UBE2H: variants seen among roughly 807,000 people sequenced by gnomAD.
UBE2H encodes ubiquitin conjugating enzyme E2 H.
UBE2H carries 3 observed loss-of-function variants against 29.0 expected under a neutral mutation model. That is an observed-to-expected ratio of 0.10 (90% CI 0.05 to 0.27). The LOEUF is 0.27. Among genes scored for constraint, UBE2H ranks in the 10% least tolerant of loss-of-function variants. The pLI is 1.00. For synonymous variants in UBE2H, 69 were observed against 82.9 expected (o/e 0.83, Z 0.91); for missense variants, 68 against 228.2 (o/e 0.30, Z 4.52).
chr7:129,879,818 T>C (rs554090323), intron 2 of UBE2H, among the ~76,000 whole-genome samples, 176 bp from the exon 3 acceptor site: 1 of 152,360 alleles, frequency 6.6e-6, no homozygotes, highest in East Asian at 1.9e-4. Context: ...GATACTTTTC[T>C]TGGAAAGATC....
In UBE2H at chr7:129,862,209, A is replaced by G. The variant is rs558204715; in HGVS notation, c.206-3268T>C. 5.9e-5 allele frequency among the ~76,000 whole-genome samples: 9 copies of G among 152,320 alleles called. No individual in the cohort carries two copies. In the East Asian group the frequency reaches 1.3e-3, roughly 23 times the overall value. ...TTTAATGCAAGAGAATGGTCCTACT[A>G]TATGAAAAATATTGCCTGAAGCTAC... On this transcript the variant is annotated intron_variant, in intron 3 of 6. Coordinates refer to ENST00000355621, the MANE Select transcript of UBE2H (RefSeq NM_003344.4).
At chr7:129,919,788 T>C (rs989605794) in intron 1 of UBE2H, among the ~76,000 whole-genome samples, 11 of 152,208 alleles carry the variant, frequency 7.2e-5, no homozygotes, top group Non-Finnish European at 1.5e-4. Context: ...TTTACTGCTT[T>C]GCACAGGGTC....
chr7:129,868,127 A>G (rs1010144389), intron 3 of UBE2H, among the ~76,000 whole-genome samples: 3 of 152,244 alleles, frequency 2.0e-5, no homozygotes, highest in African/African-American at 7.2e-5. Context: ...CTAAAGGGAA[A>G]GAAATAGATT....
intron 1 of UBE2H, among the ~76,000 whole-genome samples, chr7:129,915,961 C>T (rs1807035803): frequency 6.6e-6 from 1 of 152,194 alleles, no homozygotes; most frequent in Admixed American, 6.6e-5. Context: ...CCTCTATCTG[C>T]CTCGTAAGTC....
chr7:129,853,378 TTC>T (rs1805644342), intron 5 of UBE2H, among the ~76,000 whole-genome samples: 1 of 152,188 alleles, frequency 6.6e-6, no homozygotes, highest in South Asian at 2.1e-4. Flanking sequence ...TTCTCAGAGC[TTC>T]TGTCACTGCT....
chr7:129,923,525 A>T (rs375253392), intron 1 of UBE2H, among the ~76,000 whole-genome samples: 21 of 152,332 alleles, frequency 1.4e-4, no homozygotes, highest in Middle Eastern at 3.4e-3. Context: ...TAAAACTGAT[A>T]ACCAATTTCC....
intron 5 of UBE2H, among the ~76,000 whole-genome samples, chr7:129,848,605 A>C (rs796192515): frequency 8.5e-5 from 13 of 152,302 alleles, no homozygotes; most frequent in African/African-American, 3.1e-4. Flanking sequence ...ACTCCTGGGA[A>C]TTTCACCCAA....
At chr7:129,915,341 C>T (rs1351613671) in intron 1 of UBE2H, among the ~76,000 whole-genome samples, 1 of 152,080 alleles carries the variant, frequency 6.6e-6, no homozygotes, top group African/African-American at 2.4e-5. Flanking sequence ...TCGAGACCAT[C>T]CTGGCTAACA....
chr7:129,839,358 C>A, intron 5 of UBE2H, 23 bp from the exon 6 acceptor site: 1 of 1,611,636 alleles, frequency 6.2e-7, no homozygotes, highest in South Asian at 1.1e-5. Context: ...ACAAACATGT[C>A]ACACATGGGA....
intron 1 of UBE2H, among the ~76,000 whole-genome samples, chr7:129,908,960 A>G (rs1806874953): frequency 6.6e-6 from 1 of 152,176 alleles, no homozygotes; most frequent in Non-Finnish European, 1.5e-5. Flanking sequence ...ATTGCGTAGA[A>G]CTCAGAATGT....
At chr7:129,922,529 G>A (rs746899683) in intron 1 of UBE2H, among the ~76,000 whole-genome samples, 5 of 151,804 alleles carry the variant, frequency 3.3e-5, no homozygotes, top group African/African-American at 4.8e-5. Context: ...CACCCGCCTC[G>A]GCTTCTCAAA....
intron 5 of UBE2H, among the ~76,000 whole-genome samples, chr7:129,847,192 C>T (rs919294492): frequency 1.3e-5 from 2 of 152,110 alleles, no homozygotes; most frequent in Non-Finnish European, 2.9e-5. Context: ...ATTACAGGTG[C>T]ACGCCCAGCT....
At position 129,839,210 on chromosome 7, in the gene UBE2H, T is replaced by G. The variant is rs1261405824; in HGVS notation, c.424A>C (p.Lys142Gln). 1.9e-6 allele frequency: 3 copies of G among 1,612,864 alleles called. No individual in the cohort carries two copies. Among genetic ancestry groups the G allele is most frequent in the Non-Finnish European group, 2.5e-6 (3 of 1,179,644 alleles). ...GTTAAACTACCCATCCTCTTACCTT[T>G]AATTTTCTGCTTGTATTCTTCTGGT... ...HRPEEYKQKI[K>Q]EYIQKYATEE... The change falls in exon 6 of 7, where the codon AAA becomes CAA. Residue 142 changes from lysine to glutamine, a missense_variant. By Grantham distance (53) the Lys-to-Gln change is moderately conservative. Coordinates refer to ENST00000355621, the MANE Select transcript of UBE2H (RefSeq NM_003344.4).
At chr7:129,927,260 C>T (rs1273935194) in intron 1 of UBE2H, among the ~76,000 whole-genome samples, 1 of 151,932 alleles carries the variant, frequency 6.6e-6, no homozygotes, top group African/African-American at 2.4e-5. Flanking sequence ...TGGGCAACTT[C>T]GCCAGGTGCG....
At chr7:129,894,903 T>C (rs554467857) in intron 1 of UBE2H, among the ~76,000 whole-genome samples, 4 of 152,138 alleles carry the variant, frequency 2.6e-5, no homozygotes, top group South Asian at 2.1e-4. Context: ...CAGTTTAAAA[T>C]CTGCAAACTT....
At position 129,881,083 on chromosome 7, in the gene UBE2H, G is replaced by T; in HGVS notation, c.54-112C>A. 3 of 760,312 alleles carry T rather than the reference G, an allele frequency of 3.9e-6. No homozygotes were observed. The East Asian group carries it at 8.5e-5, about 22-fold the overall frequency. The allele number at this position is 760,312 out of a possible 1,614,324, so 47.1% of individuals were successfully genotyped here. ...TGTTACCAAAATTTGGCATGACATT[G>T]ATAAAATATACATAATAATTCTGGT... On this transcript the variant is annotated intron_variant, in intron 1 of 6. Coordinates refer to ENST00000355621, the MANE Select transcript of UBE2H (RefSeq NM_003344.4).
At chr7:129,924,541 A>T (rs777542640) in intron 1 of UBE2H, among the ~76,000 whole-genome samples, 1 of 152,074 alleles carries the variant, frequency 6.6e-6, no homozygotes, top group Non-Finnish European at 1.5e-5. Flanking sequence ...ATTTTATGTC[A>T]TAACTCTATC....
intron 5 of UBE2H, chr7:129,857,241 G>GTGTGTGCGCATGTACTCA: frequency 2.3e-6 from 1 of 428,144 alleles, no homozygotes; most frequent in Non-Finnish European, 4.1e-6. Flanking sequence ...ATGTATTCAT[G>GTGTGTGCGCATGTACTCA]TGTGTGCGCA....
chr7:129,848,165 G>A (rs1257886830), intron 5 of UBE2H, among the ~76,000 whole-genome samples: 1 of 152,116 alleles, frequency 6.6e-6, no homozygotes, highest in Non-Finnish European at 1.5e-5. Flanking sequence ...GGAGGCTGCG[G>A]TAAGCCAAGA....
Sources: allele counts gnomAD v4.1 joint callset (sites outside exome capture counted in the v4.1 genomes callset), GRCh38; gene constraint gnomAD v4.1.1; transcripts MANE v1.5; gene names NCBI Gene and HGNC (gene_info 2026-07-23, HGNC 2026-07-21).